The following TMCO5A variants were observed in gnomAD, a reference collection of about 807,000 sequenced individuals.
TMCO5A encodes the protein transmembrane and coiled-coil domains 5A.
TMCO5A carries 34 observed loss-of-function variants against 42.3 expected under a neutral mutation model. The observed-to-expected ratio is 0.80, with a 90% CI of 0.61 to 1.07. The LOEUF (loss-of-function observed/expected upper bound fraction) is 1.07. Ranked by LOEUF, TMCO5A falls within the 50% of genes least tolerant of loss-of-function variation. The pLI is 0.00. For synonymous variants in TMCO5A, 131 were observed against 115.6 expected (o/e 1.13, Z -0.86); for missense variants, 357 against 327.9 (o/e 1.09, Z -0.69).
the TMCO5A span, among the ~76,000 whole-genome samples, chr15:38,037,157 A>T: frequency 2.6e-5 from 4 of 152,262 alleles, no homozygotes; most frequent in African/African-American, 4.8e-5. Flanking sequence ...ACACATCAAC[A>T]ACAAGTAACA....
chr15:37,954,889 A>G (rs985245510), downstream of TMCO5A, among the ~76,000 whole-genome samples: 3 of 152,030 alleles, frequency 2.0e-5, no homozygotes, highest in African/African-American at 7.2e-5. Flanking sequence ...GCTTAAAATA[A>G]TGGGTTATAA....
Position 37,937,348 on chromosome 15 carries a change from A to G in TMCO5A, c.267A>G (p.Glu89=), listed in dbSNP as rs762116248. 3 of 1,613,086 alleles carry G rather than the reference A, an allele frequency of 1.9e-6. No individual in the cohort carries two copies. Among genetic ancestry groups the G allele is most frequent in the Non-Finnish European group, 2.5e-6 (3 of 1,179,330 alleles). Residue 89 remains glutamate, a splice_region_variant and synonymous_variant, in exon 5 of 12, where the codon GAA becomes GAG. Coordinates refer to ENST00000319669, the MANE Select transcript of TMCO5A (RefSeq NM_152453.4). ...QELEEETARL[E]RKNKTLVHSI... ...ACACTGTTATTTCTCTCTCACAGGA[A>G]AGGAAGAATAAGACGTTGGTCCACA...
chr15:37,962,547 C>A (rs971324740), intron 11 of TMCO5A, among the ~76,000 whole-genome samples: 1 of 152,090 alleles, frequency 6.6e-6, no homozygotes, highest in Non-Finnish European at 1.5e-5. Context: ...GTGATGCTGG[C>A]TTCACAGAAT....
intron 6 of TMCO5A, among the ~76,000 whole-genome samples, chr15:37,940,019 C>T (rs1372522340): frequency 6.6e-6 from 1 of 152,058 alleles, no homozygotes; most frequent in Non-Finnish European, 1.5e-5. Flanking sequence ...ATCCATTCCT[C>T]TCTACCACTT....
intron 6 of TMCO5A, among the ~76,000 whole-genome samples, chr15:37,940,223 A>G (rs1889681585): frequency 6.6e-6 from 1 of 152,140 alleles, no homozygotes; most frequent in Non-Finnish European, 1.5e-5. Context: ...TCTCACTGCA[A>G]TTAGAAGAAC....
the TMCO5A span, among the ~76,000 whole-genome samples, chr15:37,998,702 A>C: frequency 6.6e-6 from 1 of 151,754 alleles, no homozygotes; most frequent in African/African-American, 2.4e-5. Flanking sequence ...GTTCCATATA[A>C]ATTTTAGGAT....
At chr15:37,948,583 G>A (rs1361933534) in intron 11 of TMCO5A, among the ~76,000 whole-genome samples, 2 of 152,004 alleles carry the variant, frequency 1.3e-5, no homozygotes, top group African/African-American at 4.8e-5. Context: ...TCCAACACAA[G>A]GGCCCACAAT....
At chr15:38,034,548 T>C in the TMCO5A span, among the ~76,000 whole-genome samples, 2 of 152,218 alleles carry the variant, frequency 1.3e-5, no homozygotes, top group Non-Finnish European at 1.5e-5. Context: ...AGGCTGTTGC[T>C]CCTTAGCCTC....
chr15:37,971,738 T>C (rs890135323), downstream of TMCO5A, among the ~76,000 whole-genome samples: 2 of 152,148 alleles, frequency 1.3e-5, no homozygotes, highest in African/African-American at 2.4e-5. Context: ...CACAAATCTC[T>C]AGGGCAGGGG....
the TMCO5A span, among the ~76,000 whole-genome samples, chr15:37,998,856 G>GATTCCATAAATTGAACTTA: frequency 6.6e-6 from 1 of 151,894 alleles, no homozygotes; most frequent in Admixed American, 6.6e-5. Flanking sequence ...ATTTTGTTGT[G>GATTCCATAAATTGAACTTA]TCCTCTTCAA....
chr15:37,942,371 A>G, intron 9 of TMCO5A, 116 bp downstream of exon 9: 5 of 932,412 alleles, frequency 5.4e-6, no homozygotes, highest in East Asian at 4.8e-5. Context: ...CCGACGCCAC[A>G]TATCTTTGCC....
chr15:37,993,680 G>T, the TMCO5A span, among the ~76,000 whole-genome samples: 1 of 152,106 alleles, frequency 6.6e-6, no homozygotes, highest in East Asian at 1.9e-4. Flanking sequence ...GCAATGGTGT[G>T]GGGAGGGTGT....
intron 11 of TMCO5A, among the ~76,000 whole-genome samples, chr15:37,965,543 A>G (rs2140822700): frequency 6.6e-6 from 1 of 152,326 alleles, no homozygotes; most frequent in East Asian, 1.9e-4. Flanking sequence ...GTATATAAGG[A>G]GCTCAAACAA....
intron 11 of TMCO5A, among the ~76,000 whole-genome samples, chr15:37,958,329 G>T (rs1222407264): frequency 6.6e-6 from 1 of 152,032 alleles, no homozygotes; most frequent in Non-Finnish European, 1.5e-5. Flanking sequence ...GAAAATTTTT[G>T]CAATCTATCT....
intron 11 of TMCO5A, among the ~76,000 whole-genome samples, chr15:37,957,993 G>GT (rs1890333366): frequency 6.6e-6 from 1 of 152,138 alleles, no homozygotes; most frequent in Non-Finnish European, 1.5e-5. Context: ...ATGGGGAAAG[G>GT]ATTCCCTATT....
At chr15:37,956,106 G>A (rs201818551), downstream of TMCO5A, among the ~76,000 whole-genome samples, 12 of 152,238 alleles carry the variant, frequency 7.9e-5, no homozygotes, top group East Asian at 2.3e-3. Context: ...ATGTGTAGAG[G>A]GAAATTTACA....
At chr15:37,957,824 T>C (rs1890328407) in intron 11 of TMCO5A, among the ~76,000 whole-genome samples, 2 of 152,186 alleles carry the variant, frequency 1.3e-5, no homozygotes. Flanking sequence ...GGCATTGTAC[T>C]ACCTGACTTC....
Position 37,938,223 on chromosome 15 carries a change from G to C in TMCO5A, c.381G>C (p.Glu127Asp). ...EQSSPDGALE[E>D]TKVKLQQLEA... ...GCAGTCCAGATGGAGCCCTAGAAGAGACAAAGGTAAATGAAAAAAACAATC... is the reference window on the plus strand; with the variant it reads ...GCAGTCCAGATGGAGCCCTAGAAGACACAAAGGTAAATGAAAAAAACAATC... The change falls in exon 6 of 12, where the codon GAG (glutamate) becomes GAC (aspartate). Residue 127 changes from glutamate to aspartate, a missense_variant. Transcript: ENST00000319669. 1 of 1,559,570 alleles carries C rather than the reference G, an allele frequency of 6.4e-7. No homozygotes were observed. Among genetic ancestry groups the C allele is most frequent in the South Asian group, 1.2e-5 (1 of 85,398 alleles).
At chr15:38,023,482 A>G in the TMCO5A span, among the ~76,000 whole-genome samples, 1 of 152,186 alleles carries the variant, frequency 6.6e-6, no homozygotes, top group African/African-American at 2.4e-5. Context: ...CTGATCAGAG[A>G]TCCAAGAATG....
Sources: gnomAD v4.1 joint callset for allele counts (sites outside exome capture counted in the v4.1 genomes callset) on GRCh38, gnomAD v4.1.1 for gene constraint, MANE v1.5 for transcripts, NCBI Gene and HGNC (gene_info 2026-07-23, HGNC 2026-07-21) for gene names.